Variants in SLC12A8 observed in about 807,000 individuals in gnomAD.
SLC12A8 encodes cation-chloride cotransporter 9.
In SLC12A8, 69 loss-of-function variants were observed where a neutral mutation model predicts 75.6. The ratio of observed to expected loss-of-function variants is 0.91; its 90% CI spans 0.75 to 1.11. The LOEUF (loss-of-function observed/expected upper bound fraction) is 1.11. Among genes scored for constraint, SLC12A8 ranks in the 50% most tolerant of loss-of-function variants. SLC12A8 has a pLI of 0.00. For missense variants in SLC12A8, 877 were observed against 896.7 expected, an observed-to-expected ratio of 0.98 and a Z score of 0.28; for synonymous variants, 365 against 372.8, an observed-to-expected ratio of 0.98 and a Z score of 0.24.
At chr3:125,187,777 A>T (rs1227075876) in intron 3 of SLC12A8, among the ~76,000 whole-genome samples, 1 of 117,672 alleles carries the variant, frequency 8.5e-6, no homozygotes, top group African/African-American at 3.3e-5. Context: ...CCTCATGCTG[A>T]TTCCCCTGCC....
chr3:125,113,549 G>A (rs114647145), intron 8 of SLC12A8, among the ~76,000 whole-genome samples: 3,006 of 152,250 alleles, frequency 0.02, 42 homozygotes, highest in Non-Finnish European at 0.029. Flanking sequence ...TTATAGACAC[G>A]TAGCTCTGCT....
chr3:125,112,685 G>A (rs946244), intron 8 of SLC12A8, among the ~76,000 whole-genome samples: 22,392 of 152,102 alleles, frequency 0.15, 2,028 homozygotes, highest in Middle Eastern at 0.31. Context: ...CTTTATTTCC[G>A]TCTTCTCTAC....
At chr3:125,183,308 A>T (rs1156315501) in intron 4 of SLC12A8, among the ~76,000 whole-genome samples, 1 of 152,176 alleles carries the variant, frequency 6.6e-6, no homozygotes, top group Admixed American at 6.5e-5. Context: ...ATCTTAGACC[A>T]GGCATTCCTT....
At position 125,177,917 on chromosome 3, in the gene SLC12A8, C is replaced by T. The variant is rs1354955212; in HGVS notation, c.448G>A (p.Gly150Ser). ...CGCACAGCCCAGATATTCCCGAGGCCCAGCAAATCCGAGATGGATTCAGCA... is the reference window on the plus strand; with the variant it reads ...CGCACAGCCCAGATATTCCCGAGGCTCAGCAAATCCGAGATGGATTCAGCA... Reference protein sequence around the residue: ...GFAESISDLLGLGNIWAVRGI... With the variant: ...GFAESISDLLSLGNIWAVRGI... The change falls in exon 5 of 14, where the codon GGC becomes AGC. Residue 150 changes from glycine to serine, a missense_variant. By Grantham distance (56) the Gly-to-Ser change is moderately conservative. Transcript: ENST00000469902. 1 of 1,614,058 alleles carries T rather than the reference C, an allele frequency of 6.2e-7. No individual in the cohort carries two copies. Among genetic ancestry groups the T allele is most frequent in the Admixed American group, 1.7e-5 (1 of 60,008 alleles).
intron 4 of SLC12A8, among the ~76,000 whole-genome samples, chr3:125,181,607 C>CAAAAAAAAAA (rs67602083): frequency 1.1e-3 from 71 of 67,398 alleles, no homozygotes; most frequent in Non-Finnish European, 1.3e-3. Flanking sequence ...GACTCCGTCT[C>CAAAAAAAAAA]AAAAAAAAAA....
At chr3:125,119,710 G>A (rs894787732) in intron 7 of SLC12A8, among the ~76,000 whole-genome samples, 3 of 152,232 alleles carry the variant, frequency 2.0e-5, no homozygotes, top group Admixed American at 2.0e-4. Flanking sequence ...CAGGCTGATA[G>A]CAATGGTTTC....
intron 5 of SLC12A8, among the ~76,000 whole-genome samples, chr3:125,177,447 CAT>C (rs1934558623): frequency 6.6e-6 from 1 of 151,714 alleles, no homozygotes; most frequent in East Asian, 1.9e-4. Flanking sequence ...ATGTTGTGCA[CAT>C]GTTATCCTAA....
chr3:125,198,750 T>G (rs1195174617), intron 2 of SLC12A8, among the ~76,000 whole-genome samples: 1 of 151,936 alleles, frequency 6.6e-6, no homozygotes, highest in African/African-American at 2.4e-5. Flanking sequence ...TGGTAAAATT[T>G]TAATGTAGAG....
chr3:125,198,904 A>C (rs971309259), intron 2 of SLC12A8, among the ~76,000 whole-genome samples: 29 of 150,942 alleles, frequency 1.9e-4, no homozygotes, highest in African/African-American at 6.8e-4. Flanking sequence ...CAGCCTCCCC[A>C]GTAGCTGAGA....
chr3:125,114,575 C>G, intron 8 of SLC12A8, among the ~76,000 whole-genome samples: 1 of 152,148 alleles, frequency 6.6e-6, no homozygotes, highest in East Asian at 1.9e-4. Context: ...CAGGCATGCA[C>G]CACCACGCCT....
intron 12 of SLC12A8, among the ~76,000 whole-genome samples, chr3:125,090,973 TTTTG>T (rs1448257728): frequency 6.6e-6 from 1 of 152,176 alleles, no homozygotes; most frequent in Non-Finnish European, 1.5e-5. Context: ...GTTATTTGTT[TTTTG>T]TTTGTCTCAT....
chr3:125,172,024 A>G (rs1163606756), intron 5 of SLC12A8, among the ~76,000 whole-genome samples: 1 of 152,050 alleles, frequency 6.6e-6, no homozygotes, highest in African/African-American at 2.4e-5. Context: ...CTGTAATCCC[A>G]GCACTTTGGG....
intron 6 of SLC12A8, among the ~76,000 whole-genome samples, chr3:125,135,314 C>T (rs16836516): frequency 0.24 from 36,901 of 152,108 alleles, 4,790 homozygotes; most frequent in Non-Finnish European, 0.28. Flanking sequence ...CTGAGGAATC[C>T]GTCCTGTTCA....
intron 5 of SLC12A8, among the ~76,000 whole-genome samples, chr3:125,161,807 T>C (rs1479024769): frequency 6.6e-6 from 1 of 152,242 alleles, no homozygotes; most frequent in African/African-American, 2.4e-5. Flanking sequence ...ACATGCACTC[T>C]GATTTCACCA....
chr3:125,180,029 G>C (rs1193026428), intron 4 of SLC12A8, among the ~76,000 whole-genome samples: 1 of 150,746 alleles, frequency 6.6e-6, no homozygotes, highest in African/African-American at 2.4e-5. Flanking sequence ...CTTCCAAACT[G>C]TTTTTTTTTT....
Position 125,198,560 on chromosome 3 carries a change from GA to G in SLC12A8, c.52-8040del, listed in dbSNP as rs764887959. 1.7e-4 allele frequency among the ~76,000 whole-genome samples: 26 copies of G among 148,696 alleles called. 1 individual carries two copies. In the South Asian group the frequency reaches 2.8e-3, roughly 16 times the overall value. ...AGGCAGAAGCATCGCTTGAACCTGG[GA>G]GGCAGAGGGTGCAGTGAGCCGAGAT... On this transcript the variant is annotated intron_variant, in intron 2 of 13. Transcript: ENST00000469902.
In SLC12A8 at chr3:125,120,675, C is replaced by T. The variant is rs766951277; in HGVS notation, c.748G>A (p.Gly250Ser). ...CTGAGGTCGCCCCCCATGTTGAAGC[C>T]GGCCATGACTCCTGAAAGACACCCA... is the stretch of plus-strand genomic sequence containing the variant. ...FFPAATGVMA[G>S]FNMGGDLREP... Residue 250 changes from glycine to serine, a missense_variant, in exon 7 of 14, where the codon GGC becomes AGC. Transcript: ENST00000469902. The T allele has an allele frequency of 1.7e-4, 268 of 1,613,480 alleles. 2 individuals are homozygous for T. The highest frequency in any genetic ancestry group is 6.2e-4 in the South Asian group (56 of 90,938).
At chr3:125,090,714 G>T (rs1331470668) in intron 12 of SLC12A8, among the ~76,000 whole-genome samples, 1 of 152,058 alleles carries the variant, frequency 6.6e-6, no homozygotes, top group Non-Finnish European at 1.5e-5. Flanking sequence ...ACTCTACTTT[G>T]CCTAATGTTA....
intron 2 of SLC12A8, among the ~76,000 whole-genome samples, chr3:125,207,644 C>T (rs770037789): frequency 1.3e-5 from 2 of 152,216 alleles, no homozygotes; most frequent in Non-Finnish European, 2.9e-5. Flanking sequence ...GTCAGCTTGC[C>T]ATCTGTTTTT....
Sources: gnomAD v4.1 joint callset for allele counts (sites outside exome capture counted in the v4.1 genomes callset) on GRCh38, gnomAD v4.1.1 for gene constraint, MANE v1.5 for transcripts, NCBI Gene and HGNC (gene_info 2026-07-23, HGNC 2026-07-21) for gene names.